The following PTCHD4 variants were observed in gnomAD, a reference collection of about 807,000 sequenced individuals.
PTCHD4 encodes patched domain-containing protein 4.
PTCHD4 carries 33 observed loss-of-function variants against 58.1 expected under a neutral mutation model. The observed-to-expected ratio is 0.57, with a 90% confidence interval of 0.43 to 0.76. The LOEUF is 0.76. Among genes scored for constraint, PTCHD4 ranks in the 30% least tolerant of loss-of-function variants. The pLI is 0.00. For missense variants in PTCHD4, 1,058 were observed against 1,027.1 expected, an observed-to-expected ratio of 1.03 and a Z score of -0.41; for synonymous variants, 478 against 409.6, an observed-to-expected ratio of 1.17 and a Z score of -2.02.
intron 4 of PTCHD4, among the ~76,000 whole-genome samples, chr6:47,950,152 T>C (rs1048176280): frequency 6.6e-6 from 1 of 151,724 alleles, no homozygotes; most frequent in East Asian, 1.9e-4. Flanking sequence ...GTCCTTGTGA[T>C]AGTTTGCTGA....
At chr6:47,950,332 C>G (rs905545979) in intron 4 of PTCHD4, among the ~76,000 whole-genome samples, 1 of 152,078 alleles carries the variant, frequency 6.6e-6, no homozygotes, top group African/African-American at 2.4e-5. Flanking sequence ...GGGAGCAAGA[C>G]TCAGGACAGT....
intron 3 of PTCHD4, among the ~76,000 whole-genome samples, chr6:48,063,332 C>T (rs1300178697): frequency 6.6e-6 from 1 of 152,168 alleles, no homozygotes; most frequent in Non-Finnish European, 1.5e-5. Flanking sequence ...TGTCACCTTC[C>T]TATGAGCCAG....
intron 4 of PTCHD4, among the ~76,000 whole-genome samples, chr6:47,885,029 T>C (rs1474115640): frequency 1.3e-5 from 2 of 152,242 alleles, no homozygotes; most frequent in Admixed American, 6.5e-5. Flanking sequence ...TTTTGATTTA[T>C]GTTCCAAAAT....
intron 4 of PTCHD4, among the ~76,000 whole-genome samples, chr6:47,915,453 T>C (rs1240994885): frequency 6.6e-6 from 1 of 152,050 alleles, no homozygotes; most frequent in African/African-American, 2.4e-5. Flanking sequence ...TGGTTGGCGT[T>C]GAAAGTCCTA....
intron 3 of PTCHD4, among the ~76,000 whole-genome samples, chr6:48,058,058 G>A (rs1272934111): frequency 6.6e-6 from 1 of 152,204 alleles, no homozygotes; most frequent in Non-Finnish European, 1.5e-5. Flanking sequence ...ATCTGTTATA[G>A]TCACCAGAGG....
chr6:48,000,406 A>T (rs1039199755), intron 4 of PTCHD4, among the ~76,000 whole-genome samples: 7 of 152,120 alleles, frequency 4.6e-5, no homozygotes, highest in African/African-American at 1.7e-4. Context: ...CTACCCAGCT[A>T]TATGTGCCTA....
Position 47,857,737 on chromosome 6 carries a change from A to C in PTCHD4, c.*20566T>G, listed in dbSNP as rs563710076. Among the ~76,000 whole-genome samples the C allele has an allele frequency of 5.6e-4, 85 of 152,128 alleles. 2 individuals are homozygous for C. In the South Asian group the frequency reaches 0.017, roughly 30 times the overall value. On this transcript the variant is annotated 3_prime_UTR_variant, in exon 5 of 5. Coordinates refer to ENST00000339488, the MANE Select transcript of PTCHD4 (RefSeq NM_001384253.1). ...TTTCATTTGGGGAACAGGAATGAAA[A>C]CATTGTGAAGTAAATCATCTAGTAA...
intron 4 of PTCHD4, among the ~76,000 whole-genome samples, chr6:47,982,723 G>T (rs527491884): frequency 8.0e-4 from 121 of 152,152 alleles, no homozygotes; most frequent in African/African-American, 2.8e-3. Context: ...TCCTGACCTC[G>T]TGATCCGCCC....
At position 48,062,479 on chromosome 6, in the gene PTCHD4, T is replaced by C. The variant is rs144316795; in HGVS notation, c.417+5751A>G. Among the ~76,000 whole-genome samples, 231 of 152,146 alleles carry C rather than the reference T, an allele frequency of 1.5e-3. 1 individual carries two copies. The highest frequency in any genetic ancestry group is 5.4e-3 in the African/African-American group (225 of 41,520). ...CCCACCCCCCACTTTTTTTTAACCC[T>C]CTTTTAATCCTTGACTTAGGAAAAT... On this transcript the variant is annotated intron_variant, in intron 3 of 4. Transcript: ENST00000339488.
Position 48,074,255 on chromosome 6 carries a change from C to G in PTCHD4, c.-969-4329G>C, listed in dbSNP as rs1226530296. On this transcript the variant is annotated intron_variant, in intron 1 of 4. Coordinates refer to ENST00000339488, the MANE Select transcript of PTCHD4 (RefSeq NM_001384253.1). The stretch of plus-strand genomic sequence containing the variant: ...ACTGGCTTGAATAATAAGGACATTT[C>G]TTATCTCACATAACAAGATGTCCAC... Among the ~76,000 whole-genome samples the G allele has an allele frequency of 4.6e-5, 7 of 152,156 alleles. No homozygotes were observed. The East Asian group carries it at 1.3e-3, about 29-fold the overall frequency.
At chr6:48,021,410 A>G (rs1214812609) in intron 3 of PTCHD4, among the ~76,000 whole-genome samples, 1 of 152,110 alleles carries the variant, frequency 6.6e-6, no homozygotes, top group Non-Finnish European at 1.5e-5. Context: ...TGTTGGCTCA[A>G]TATCACTCTC....
At chr6:47,933,319 A>G (rs913046819) in intron 4 of PTCHD4, among the ~76,000 whole-genome samples, 2 of 152,234 alleles carry the variant, frequency 1.3e-5, no homozygotes, top group African/African-American at 4.8e-5. Context: ...AATAATAGTC[A>G]TTACTGGATA....
chr6:47,940,889 G>A (rs2113924157), intron 4 of PTCHD4, among the ~76,000 whole-genome samples: 1 of 152,248 alleles, frequency 6.6e-6, no homozygotes, highest in South Asian at 2.1e-4. Flanking sequence ...GTGAAAGGGG[G>A]TGGTAAGCCT....
intron 4 of PTCHD4, among the ~76,000 whole-genome samples, chr6:47,994,061 G>T (rs905300303): frequency 3.3e-5 from 5 of 152,162 alleles, no homozygotes; most frequent in African/African-American, 1.2e-4. Flanking sequence ...CAGGGAAGGC[G>T]GGAGCAGGTA....
At chr6:47,911,550 A>G (rs1765069306) in intron 4 of PTCHD4, among the ~76,000 whole-genome samples, 1 of 152,134 alleles carries the variant, frequency 6.6e-6, no homozygotes, top group Admixed American at 6.6e-5. Flanking sequence ...AGTTGGAGGA[A>G]AGGAGTAAAG....
chr6:48,029,732 A>T (rs1025119699), intron 3 of PTCHD4, among the ~76,000 whole-genome samples: 1 of 152,124 alleles, frequency 6.6e-6, no homozygotes, highest in African/African-American at 2.4e-5. Context: ...TTCAAACAGA[A>T]TCTGTTCTTC....
At chr6:48,105,484 A>T (rs903786565) in intron 1 of PTCHD4, among the ~76,000 whole-genome samples, 10 of 152,252 alleles carry the variant, frequency 6.6e-5, no homozygotes, top group African/African-American at 1.7e-4. Flanking sequence ...CTAAATACCC[A>T]CAAGAGAAAG....
intron 3 of PTCHD4, among the ~76,000 whole-genome samples, chr6:48,044,509 T>G (rs1022905478): frequency 4.0e-5 from 6 of 151,862 alleles, no homozygotes. Context: ...TTTATCATTT[T>G]GAAAAAAATA....
chr6:48,019,282 C>A (rs971369474), intron 3 of PTCHD4, among the ~76,000 whole-genome samples: 1 of 151,712 alleles, frequency 6.6e-6, no homozygotes, highest in Non-Finnish European at 1.5e-5. Flanking sequence ...CTGTGCTATA[C>A]CGCTATCGAG....
Sources: allele counts gnomAD v4.1 joint callset (sites outside exome capture counted in the v4.1 genomes callset), GRCh38; gene constraint gnomAD v4.1.1; transcripts MANE v1.5; gene names NCBI Gene and HGNC (gene_info 2026-07-23, HGNC 2026-07-21).